METTL6: variants seen among roughly 807,000 people sequenced by gnomAD.
The protein encoded by METTL6 is tRNA N(3)-cytidine methyltransferase METTL6.
Under a neutral mutation model 26.4 loss-of-function variants are expected in METTL6, and 22 were observed. The ratio of observed to expected loss-of-function variants is 0.83; its 90% CI spans 0.59 to 1.19. The LOEUF (loss-of-function observed/expected upper bound fraction) is 1.19. Among genes scored for constraint, METTL6 ranks in the 50% most tolerant of loss-of-function variants. The pLI, the probability that METTL6 is intolerant of heterozygous loss-of-function variation, is 0.00. For missense variants in METTL6, 304 were observed against 324.8 expected (o/e 0.94, Z 0.49); for synonymous variants, 109 against 116.2 (o/e 0.94, Z 0.40).
At chr3:15,424,760 T>A (rs1296722310) in intron 3 of METTL6, among the ~76,000 whole-genome samples, 195 bp downstream of exon 3, 1 of 152,220 alleles carries the variant, frequency 6.6e-6, no homozygotes, top group African/African-American at 2.4e-5. Flanking sequence ...ATGGTATTTT[T>A]TCCTGCTTTT....
exon 7 of METTL6, chr3:15,384,145 A>G (rs889157542): frequency 1.3e-5 from 5 of 399,890 alleles, no homozygotes; most frequent in Non-Finnish European, 2.4e-5. Flanking sequence ...GCACAGCCAG[A>G]TATCCTACAA....
At chr3:15,388,046 T>C (rs1699244025) in intron 6 of METTL6, among the ~76,000 whole-genome samples, 1 of 152,086 alleles carries the variant, frequency 6.6e-6, no homozygotes, top group Non-Finnish European at 1.5e-5. Flanking sequence ...CAGAGTTTTA[T>C]GATTACTCAA....
intron 6 of METTL6, among the ~76,000 whole-genome samples, chr3:15,389,409 C>T (rs1339691572): frequency 6.6e-6 from 1 of 151,936 alleles, no homozygotes; most frequent in African/African-American, 2.4e-5. Context: ...GTCCTTCAGC[C>T]CTTTATGTAG....
intron 5 of METTL6, among the ~76,000 whole-genome samples, chr3:15,412,572 T>C (rs915889837): frequency 1.3e-5 from 2 of 151,992 alleles, no homozygotes; most frequent in Admixed American, 1.3e-4. Flanking sequence ...GCAGCCTCCA[T>C]CTTCTGGGGC....
chr3:15,396,349 T>C (rs1466669359), intron 6 of METTL6, among the ~76,000 whole-genome samples: 1 of 152,202 alleles, frequency 6.6e-6, no homozygotes, highest in Non-Finnish European at 1.5e-5. Context: ...ATCAGGTCAT[T>C]TAAGGGCTTC....
chr3:15,415,195 A>G (rs1700144733), intron 4 of METTL6, among the ~76,000 whole-genome samples: 1 of 152,248 alleles, frequency 6.6e-6, no homozygotes, highest in African/African-American at 2.4e-5. Context: ...CATGCCTAGC[A>G]TTTGACTGCT....
chr3:15,426,199 C>T, intron 2 of METTL6, 88 bp downstream of exon 2: 1 of 1,331,032 alleles, frequency 7.5e-7, no homozygotes, highest in Non-Finnish European at 1.0e-6. Flanking sequence ...TTGGCCTCCC[C>T]AAGTACTGGG....
At chr3:15,393,902 T>C (rs1326337427) in intron 6 of METTL6, among the ~76,000 whole-genome samples, 1 of 152,240 alleles carries the variant, frequency 6.6e-6, no homozygotes, top group Non-Finnish European at 1.5e-5. Flanking sequence ...AGTTTCCCAG[T>C]ATTTTATTGA....
chr3:15,419,145 T>C (rs1023366191), intron 3 of METTL6, among the ~76,000 whole-genome samples: 5 of 150,236 alleles, frequency 3.3e-5, no homozygotes, highest in African/African-American at 9.9e-5. Context: ...GGTGACACAG[T>C]GAGACCTTGT....
chr3:15,396,550 G>C (rs1186946145), intron 6 of METTL6, among the ~76,000 whole-genome samples: 3 of 152,188 alleles, frequency 2.0e-5, no homozygotes, highest in Admixed American at 1.3e-4. Context: ...CGTTCCTTTG[G>C]AGGAGGAGAG....
intron 6 of METTL6, among the ~76,000 whole-genome samples, chr3:15,399,008 A>G (rs566065418): frequency 2.7e-4 from 41 of 152,296 alleles, no homozygotes; most frequent in Admixed American, 2.2e-3. Context: ...CAAAACCAAG[A>G]AGGTGAGGAA....
downstream of METTL6, among the ~76,000 whole-genome samples, chr3:15,405,393 T>A (rs1425309397): frequency 6.6e-6 from 1 of 152,246 alleles, no homozygotes; most frequent in Non-Finnish European, 1.5e-5. Context: ...TATGAGCTCA[T>A]AAGTTGATCT....
intron 6 of METTL6, among the ~76,000 whole-genome samples, chr3:15,390,478 A>C (rs986351942): frequency 2.0e-5 from 3 of 152,308 alleles, no homozygotes; most frequent in African/African-American, 7.2e-5. Flanking sequence ...ATTGTAACAG[A>C]AAATTATGAG....
intron 6 of METTL6, among the ~76,000 whole-genome samples, chr3:15,395,676 T>C (rs937505198): frequency 5.9e-5 from 9 of 152,214 alleles, no homozygotes; most frequent in East Asian, 1.9e-4. Flanking sequence ...CCTTCAGGAG[T>C]TCTTTTAGGG....
At position 15,423,948 on chromosome 3, in the gene METTL6, T is replaced by C. The variant is rs181774918; in HGVS notation, c.360+1007A>G. Reference sequence around the variant, plus strand: ...GAAGCCAGGTACAGTGGCTCATACCTGTAATCCCAGCATTTTGGGAGGCTG... The same window carrying C: ...GAAGCCAGGTACAGTGGCTCATACCCGTAATCCCAGCATTTTGGGAGGCTG... On this transcript the variant is annotated intron_variant, in intron 3 of 5. Transcript: ENST00000383790. Among the ~76,000 whole-genome samples the C allele has an allele frequency of 8.8e-3, 1,343 of 152,156 alleles. 10 individuals carry two copies. The highest frequency in any genetic ancestry group is 0.014 in the Non-Finnish European group (958 of 67,994).
At chr3:15,397,350 G>A (rs143930584) in intron 6 of METTL6, among the ~76,000 whole-genome samples, 1,649 of 152,282 alleles carry the variant, frequency 0.011, 33 homozygotes, top group African/African-American at 0.037. Context: ...GTAGTAGGGT[G>A]GGAGTGACCC....
At chr3:15,406,986 G>A (rs558290009), downstream of METTL6, among the ~76,000 whole-genome samples, 12 of 151,692 alleles carry the variant, frequency 7.9e-5, no homozygotes, top group South Asian at 2.1e-4. Context: ...GTCAGAGGTC[G>A]GCATGTCATT....
chr3:15,402,231 GT>G (rs1699666818), intron 6 of METTL6, among the ~76,000 whole-genome samples: 2 of 152,292 alleles, frequency 1.3e-5, no homozygotes, highest in African/African-American at 4.8e-5. Context: ...AGAGACCAGA[GT>G]TTTATTACTC....
intron 2 of METTL6, 101 bp downstream of exon 2, chr3:15,426,186 G>A (rs2061717781): frequency 8.9e-7 from 1 of 1,123,818 alleles, no homozygotes; most frequent in African/African-American, 1.6e-5. Flanking sequence ...TGATCCGCCT[G>A]CCTTGGCCTC....
Sources: gnomAD v4.1 joint callset for allele counts (sites outside exome capture counted in the v4.1 genomes callset) on GRCh38, gnomAD v4.1.1 for gene constraint, MANE v1.5 for transcripts, NCBI Gene and HGNC (gene_info 2026-07-23, HGNC 2026-07-21) for gene names.